Variants in CSNK2A2IP observed in about 807,000 individuals in gnomAD.
CSNK2A2IP encodes the protein casein kinase 2 subunit alpha' interacting protein.
chr3:88,466,161 T>A, the CSNK2A2IP span: 1 of 1,231,636 alleles, frequency 8.1e-7, no homozygotes, highest in Non-Finnish European at 1.0e-6. Flanking sequence ...ATCAAATTGC[T>A]CTTACCTCTC....
At chr3:88,358,602 G>T in the CSNK2A2IP span, among the ~76,000 whole-genome samples, 1 of 152,022 alleles carries the variant, frequency 6.6e-6, no homozygotes, top group Non-Finnish European at 1.5e-5. Flanking sequence ...TTGTCAGATG[G>T]TTTTTGTCTT....
chr3:88,429,791 C>A, the CSNK2A2IP span, among the ~76,000 whole-genome samples: 6 of 152,096 alleles, frequency 3.9e-5, no homozygotes, highest in Admixed American at 1.3e-4. Context: ...CTCGTTCTGT[C>A]GCCCAGGCTG....
chr3:88,465,815 C>T, the CSNK2A2IP span: 1 of 1,231,568 alleles, frequency 8.1e-7, no homozygotes, highest in Non-Finnish European at 1.0e-6. Context: ...TTACAATTAC[C>T]CTTCTGTAAA....
chr3:88,421,609 G>A, the CSNK2A2IP span, among the ~76,000 whole-genome samples: 2 of 151,998 alleles, frequency 1.3e-5, no homozygotes, highest in Non-Finnish European at 2.9e-5. Context: ...TGGAGATGGG[G>A]TTTTACTATG....
chr3:88,399,966 A>G, the CSNK2A2IP span: 2 of 152,356 alleles, frequency 1.3e-5, no homozygotes, highest in African/African-American at 4.8e-5. Context: ...AAAAGCAAAA[A>G]GTATAAAACA....
chr3:88,371,303 T>C, the CSNK2A2IP span, among the ~76,000 whole-genome samples: 1 of 151,736 alleles, frequency 6.6e-6, no homozygotes, highest in South Asian at 2.1e-4. Flanking sequence ...CGTTCAAAGA[T>C]AGAAGGGAAA....
At chr3:88,415,420 G>C in the CSNK2A2IP span, among the ~76,000 whole-genome samples, 37 of 152,120 alleles carry the variant, frequency 2.4e-4, no homozygotes, top group African/African-American at 8.2e-4. Context: ...TCACATTATA[G>C]AAATAGACTG....
the CSNK2A2IP span, chr3:88,382,455 T>C: frequency 6.6e-6 from 1 of 152,194 alleles, no homozygotes; most frequent in Admixed American, 6.5e-5. Context: ...AATATTATGG[T>C]ACTTCTGAAT....
At chr3:88,441,114 G>A in the CSNK2A2IP span, among the ~76,000 whole-genome samples, 1 of 152,158 alleles carries the variant, frequency 6.6e-6, no homozygotes, top group African/African-American at 2.4e-5. Context: ...TTTAGGGAAG[G>A]AATAGTACTC....
At chr3:88,429,984 A>C in the CSNK2A2IP span, among the ~76,000 whole-genome samples, 3 of 150,248 alleles carry the variant, frequency 2.0e-5, no homozygotes, top group African/African-American at 7.4e-5. Context: ...GATGGTCTCG[A>C]TCTCCTGACC....
At chr3:88,442,336 A>T in the CSNK2A2IP span, among the ~76,000 whole-genome samples, 2 of 152,094 alleles carry the variant, frequency 1.3e-5, no homozygotes, top group Non-Finnish European at 2.9e-5. Flanking sequence ...CACTGCGCCT[A>T]GCTTGAATTT....
chr3:88,461,792 G>A, the CSNK2A2IP span, among the ~76,000 whole-genome samples: 3 of 151,968 alleles, frequency 2.0e-5, no homozygotes, highest in Non-Finnish European at 2.9e-5. Context: ...ATGAGACAGT[G>A]TCTAATTCTG....
the CSNK2A2IP span, among the ~76,000 whole-genome samples, chr3:88,420,360 C>T: frequency 0.02 from 3,062 of 152,202 alleles, 97 homozygotes; most frequent in African/African-American, 0.064. Context: ...GCCAGTAAGA[C>T]TGAATGGCAA....
At chr3:88,438,623 AGG>A in the CSNK2A2IP span, among the ~76,000 whole-genome samples, 1 of 152,192 alleles carries the variant, frequency 6.6e-6, no homozygotes. Context: ...GAATCCAGAC[AGG>A]CCTCACCAGG....
the CSNK2A2IP span, among the ~76,000 whole-genome samples, chr3:88,449,862 T>C: frequency 1.1e-3 from 55 of 50,914 alleles, no homozygotes; most frequent in South Asian, 7.0e-3. Context: ...CACATATATA[T>C]ATATATATAT....
the CSNK2A2IP span, among the ~76,000 whole-genome samples, chr3:88,450,826 T>A: frequency 6.6e-6 from 1 of 152,164 alleles, no homozygotes; most frequent in African/African-American, 2.4e-5. Flanking sequence ...CAGGTAGGTA[T>A]CTTTATGAGA....
chr3:88,364,690 A>C, the CSNK2A2IP span, among the ~76,000 whole-genome samples: 1 of 152,178 alleles, frequency 6.6e-6, no homozygotes, highest in African/African-American at 2.4e-5. Context: ...AAGGCCTGAA[A>C]TTAATGATTG....
the CSNK2A2IP span, among the ~76,000 whole-genome samples, chr3:88,361,382 T>A: frequency 6.6e-6 from 1 of 152,214 alleles, no homozygotes; most frequent in Non-Finnish European, 1.5e-5. Flanking sequence ...TTGCCAGATA[T>A]AATATTCTGG....
the CSNK2A2IP span, among the ~76,000 whole-genome samples, chr3:88,417,002 A>G: frequency 6.6e-6 from 1 of 151,384 alleles, no homozygotes; most frequent in African/African-American, 2.4e-5. Context: ...TATTATATAT[A>G]TTATTCAATA....
Sources: gnomAD v4.1 joint callset for allele counts (sites outside exome capture counted in the v4.1 genomes callset) on GRCh38, gnomAD v4.1.1 for gene constraint, MANE v1.5 for transcripts, NCBI Gene and HGNC (gene_info 2026-07-23, HGNC 2026-07-21) for gene names.